The following BNC2 variants were observed in gnomAD, a reference collection of about 807,000 sequenced individuals.
BNC2 encodes the protein zinc finger protein basonuclin-2.
BNC2 carries 20 observed loss-of-function variants against 76.3 expected under a neutral mutation model. The observed-to-expected ratio is 0.26, with a 90% CI of 0.18 to 0.38. The LOEUF is 0.38. Ranked by LOEUF, BNC2 falls within the 10% of genes least tolerant of loss-of-function variation. The pLI, the probability that BNC2 is intolerant of heterozygous loss-of-function variation, is 1.00. For missense variants in BNC2, 1,382 were observed against 1,399.8 expected, an observed-to-expected ratio of 0.99 and a Z score of 0.20; for synonymous variants, 582 against 514.8, an observed-to-expected ratio of 1.13 and a Z score of -1.77.
intron 3 of BNC2, among the ~76,000 whole-genome samples, chr9:16,587,674 G>A (rs1819810782): frequency 6.6e-6 from 1 of 152,246 alleles, no homozygotes; most frequent in Middle Eastern, 3.4e-3. Context: ...CTGCCTACTA[G>A]AGTAGAAACA....
chr9:16,826,007 T>C (rs933233695), intron 1 of BNC2, among the ~76,000 whole-genome samples: 7 of 152,138 alleles, frequency 4.6e-5, no homozygotes, highest in Admixed American at 4.6e-4. Context: ...TTCCTAATCT[T>C]TACTGTGTTA....
chr9:16,758,964 G>A (rs967044903), intron 1 of BNC2, among the ~76,000 whole-genome samples: 1 of 151,990 alleles, frequency 6.6e-6, no homozygotes, highest in African/African-American at 2.4e-5. Flanking sequence ...AGTATTCTAC[G>A]GTCAAAGTTC....
intron 4 of BNC2, among the ~76,000 whole-genome samples, chr9:16,565,800 C>T (rs899445355): frequency 2.7e-5 from 4 of 149,974 alleles, no homozygotes; most frequent in Non-Finnish European, 4.4e-5. Flanking sequence ...AGAATGAGCC[C>T]CATCTCAAAA....
At chr9:16,553,285 T>C (rs1026872815) in intron 4 of BNC2, among the ~76,000 whole-genome samples, 1 of 152,108 alleles carries the variant, frequency 6.6e-6, no homozygotes, top group Non-Finnish European at 1.5e-5. Flanking sequence ...ACGACAGGGG[T>C]GAAAGACCTA....
At chr9:16,835,148 C>T (rs555695148) in intron 1 of BNC2, among the ~76,000 whole-genome samples, 1 of 152,306 alleles carries the variant, frequency 6.6e-6, no homozygotes, top group South Asian at 2.1e-4. Flanking sequence ...ACAATTCATA[C>T]AGATGAGATG....
At position 16,756,626 on chromosome 9, in the gene BNC2, T is replaced by G. The variant is rs530768314; in HGVS notation, c.4-18141A>C. ...AGATTTTCTCTGCTCCAGACATTCT[T>G]TCTTTGCTTTAAAGCTTTTTTCTTT... On this transcript the variant is annotated intron_variant, in intron 1 of 6. Transcript: ENST00000380672. Among the ~76,000 whole-genome samples the G allele has an allele frequency of 3.9e-5, 6 of 152,292 alleles. No individual in the cohort carries two copies. The South Asian group carries it at 1.2e-3, about 32-fold the overall frequency.
intron 1 of BNC2, among the ~76,000 whole-genome samples, chr9:16,829,306 G>C (rs1018896596): frequency 2.0e-5 from 3 of 152,134 alleles, no homozygotes; most frequent in Admixed American, 6.5e-5. Context: ...TCAGGGTAGG[G>C]CTGTCTCCTG....
At chr9:16,590,700 G>A (rs1343292521) in intron 3 of BNC2, among the ~76,000 whole-genome samples, 1 of 151,996 alleles carries the variant, frequency 6.6e-6, no homozygotes, top group Non-Finnish European at 1.5e-5. Context: ...CTAGCTACGC[G>A]GGAGGCTGAG....
At chr9:16,870,349 G>C (rs747844699) in intron 1 of BNC2, among the ~76,000 whole-genome samples, 3 of 151,668 alleles carry the variant, frequency 2.0e-5, no homozygotes, top group Non-Finnish European at 4.4e-5. Context: ...GCTCACCTTC[G>C]CGCGGAAGCC....
chr9:16,603,441 T>C (rs2133329651), intron 3 of BNC2, among the ~76,000 whole-genome samples: 1 of 152,330 alleles, frequency 6.6e-6, no homozygotes, highest in South Asian at 2.1e-4. Context: ...TGTTAAACTT[T>C]TAACAATCAG....
At chr9:16,830,398 A>T (rs557373196) in intron 1 of BNC2, among the ~76,000 whole-genome samples, 2 of 152,222 alleles carry the variant, frequency 1.3e-5, no homozygotes, top group Non-Finnish European at 2.9e-5. Context: ...TATAACCTAC[A>T]CACATCCTCT....
At chr9:16,478,462 A>G (rs1183201170) in intron 5 of BNC2, among the ~76,000 whole-genome samples, 1 of 152,222 alleles carries the variant, frequency 6.6e-6, no homozygotes, top group East Asian at 1.9e-4. Flanking sequence ...CTTTTTCTTA[A>G]AAAGGCATAT....
At chr9:16,675,267 T>TA (rs893326649) in intron 3 of BNC2, among the ~76,000 whole-genome samples, 43 of 150,248 alleles carry the variant, frequency 2.9e-4, no homozygotes, top group African/African-American at 9.9e-4. Context: ...TTTTTTTTTT[T>TA]AAGTCTCACT....
intron 1 of BNC2, among the ~76,000 whole-genome samples, chr9:16,791,259 C>T (rs1023770223): frequency 6.6e-6 from 1 of 152,028 alleles, no homozygotes; most frequent in Non-Finnish European, 1.5e-5. Flanking sequence ...GACGGGGTTT[C>T]ACCATGTTAG....
At chr9:16,844,788 C>T (rs1818927388) in intron 1 of BNC2, among the ~76,000 whole-genome samples, 1 of 152,146 alleles carries the variant, frequency 6.6e-6, no homozygotes, top group African/African-American at 2.4e-5. Flanking sequence ...CGCCACCGCA[C>T]CCAGCCATTT....
At chr9:16,778,732 T>C (rs781297013) in intron 1 of BNC2, among the ~76,000 whole-genome samples, 37 of 152,140 alleles carry the variant, frequency 2.4e-4, no homozygotes, top group Non-Finnish European at 4.3e-4. Context: ...CCTTAATGCA[T>C]AGTTCTCAAA....
chr9:16,516,993 C>T (rs922825152), intron 5 of BNC2, among the ~76,000 whole-genome samples: 1 of 152,170 alleles, frequency 6.6e-6, no homozygotes, highest in African/African-American at 2.4e-5. Flanking sequence ...AAACGGCATC[C>T]AGGAATGCAG....
At chr9:16,537,608 C>T (rs1383527129) in intron 5 of BNC2, among the ~76,000 whole-genome samples, 2 of 151,924 alleles carry the variant, frequency 1.3e-5, no homozygotes, top group African/African-American at 2.4e-5. Context: ...TAAAATAACA[C>T]ATGTAGGAGA....
chr9:16,707,307 A>G (rs1823708849), intron 3 of BNC2, among the ~76,000 whole-genome samples: 1 of 152,164 alleles, frequency 6.6e-6, no homozygotes, highest in Admixed American at 6.5e-5. Flanking sequence ...ACTAGTGTGA[A>G]GTTACTAGAG....
Sources: gnomAD v4.1 joint callset for allele counts (sites outside exome capture counted in the v4.1 genomes callset) on GRCh38, gnomAD v4.1.1 for gene constraint, MANE v1.5 for transcripts, NCBI Gene and HGNC (gene_info 2026-07-23, HGNC 2026-07-21) for gene names.